The following RILPL2 variants were observed in gnomAD, a reference collection of about 807,000 sequenced individuals.
RILPL2 encodes the protein Rab interacting lysosomal protein like 2, also known as RILP-like protein 2.
A neutral mutation model predicts 22.2 loss-of-function variants in RILPL2; 19 were observed. The ratio of observed to expected loss-of-function variants is 0.86; its 90% CI spans 0.60 to 1.25. RILPL2 has a LOEUF of 1.25. Among genes scored for constraint, RILPL2 ranks in the 50% most tolerant of loss-of-function variants. The probability of loss-of-function intolerance (pLI) is 0.00; values close to 1 mark genes in which losing one functional copy is unlikely to be tolerated. For missense variants in RILPL2, 243 were observed against 263.6 expected (o/e 0.92, Z 0.54); for synonymous variants, 123 against 111.6 (o/e 1.10, Z -0.64).
At chr12:123,410,022 G>A in the RILPL2 span, among the ~76,000 whole-genome samples, 5 of 151,834 alleles carry the variant, frequency 3.3e-5, no homozygotes, top group African/African-American at 4.8e-5. Context: ...CACTGCACCC[G>A]GCCACAGTAG....
chr12:123,436,272 C>T lies in RILPL2; in HGVS notation c.149G>A (p.Arg50His). The T allele has an allele frequency of 6.2e-7, 1 of 1,608,900 alleles. No individual in the cohort carries two copies. Among genetic ancestry groups the T allele is most frequent in the Non-Finnish European group, 8.5e-7 (1 of 1,177,898 alleles). ...GTCGCTGCCCAGGGCCATAAGCTCG[C>T]GGCCCAACAGGTAGGAGATGTCATA... ...DVYDISYLLG[R>H]ELMALGSDPR... The change falls in exon 1 of 4, where the codon CGC becomes CAC. Residue 50 changes from arginine to histidine, a missense_variant. By Grantham distance (29) the Arg-to-His change is conservative. Coordinates refer to ENST00000280571, the MANE Select transcript of RILPL2 (RefSeq NM_145058.3). This position sits in a 1 kb window ranked among gnomAD's most constrained non-coding sequence, Gnocchi z 6.7.
intron 3 of RILPL2, among the ~76,000 whole-genome samples, chr12:123,422,370 G>A (rs1879310587): frequency 6.6e-6 from 1 of 152,002 alleles, no homozygotes; most frequent in South Asian, 2.1e-4. Flanking sequence ...ACAAAAATTA[G>A]CCAGGCATGG....
At chr12:123,434,699 T>C (rs1022360022) in intron 1 of RILPL2, among the ~76,000 whole-genome samples, 1 of 151,620 alleles carries the variant, frequency 6.6e-6, no homozygotes, top group Non-Finnish European at 1.5e-5. Context: ...GTGCTGGGAT[T>C]ACAGGCGTGA....
At chr12:123,429,319 A>G (rs1879537717) in intron 2 of RILPL2, among the ~76,000 whole-genome samples, 1 of 152,052 alleles carries the variant, frequency 6.6e-6, no homozygotes, top group Non-Finnish European at 1.5e-5. Flanking sequence ...TTTTTGAGAA[A>G]GAGTTTTGCT....
At chr12:123,430,960 A>G (rs1445627137) in intron 1 of RILPL2, among the ~76,000 whole-genome samples, 2 of 151,694 alleles carry the variant, frequency 1.3e-5, no homozygotes, top group South Asian at 2.1e-4. Flanking sequence ...CGGCCTCCCA[A>G]AGTGCTGGGA....
chr12:123,434,426 C>CT (rs745940516), intron 1 of RILPL2, among the ~76,000 whole-genome samples: 207 of 141,196 alleles, frequency 1.5e-3, no homozygotes, highest in Middle Eastern at 7.3e-3. Flanking sequence ...GCAAAAAAGA[C>CT]TTTTTTTTTT....
intron 3 of RILPL2, among the ~76,000 whole-genome samples, chr12:123,422,003 C>CTT (rs1879296149): frequency 9.2e-6 from 1 of 108,662 alleles, no homozygotes; most frequent in East Asian, 4.9e-4. Flanking sequence ...TTCTTTCTCT[C>CTT]TCTTTTTTTT....
At chr12:123,430,220 T>C (rs887880656) in intron 2 of RILPL2, among the ~76,000 whole-genome samples, 33 of 144,494 alleles carry the variant, frequency 2.3e-4, no homozygotes, top group Non-Finnish European at 4.3e-4. Flanking sequence ...CCATTCTGCC[T>C]AACACGGTGA....
chr12:123,432,473 G>A (rs892889774), intron 1 of RILPL2, among the ~76,000 whole-genome samples: 2 of 152,160 alleles, frequency 1.3e-5, no homozygotes, highest in East Asian at 1.9e-4. Flanking sequence ...ACCACTGCAC[G>A]CCAGCCTGGG....
downstream of RILPL2, chr12:123,412,694 C>G (rs529588039): frequency 6.6e-6 from 1 of 152,272 alleles, no homozygotes; most frequent in South Asian, 2.1e-4. Flanking sequence ...AATAGTGATA[C>G]CCATCCCACA....
intron 1 of RILPL2, among the ~76,000 whole-genome samples, chr12:123,430,974 C>T (rs1879629574): frequency 6.6e-6 from 1 of 152,096 alleles, no homozygotes; most frequent in South Asian, 2.1e-4. Flanking sequence ...GCTGGGATTA[C>T]AGGCGTGAGC....
chr12:123,411,516 C>G (rs1191492568), downstream of RILPL2: 1 of 150,320 alleles, frequency 6.7e-6, no homozygotes, highest in Non-Finnish European at 1.5e-5. Context: ...GCTACAGCAA[C>G]CACCTCCTGT....
Position 123,415,394 on chromosome 12 carries a change from T to C in RILPL2, c.*497A>G. 1 of 168,822 alleles carries C rather than the reference T, an allele frequency of 5.9e-6. No homozygotes were observed. The highest frequency in any genetic ancestry group is 1.3e-5 in the Non-Finnish European group (1 of 77,210). The allele number at this position is 168,822 out of a possible 1,614,324, so 10.5% of individuals were successfully genotyped here. On this transcript the variant is annotated 3_prime_UTR_variant, in exon 4 of 4. Coordinates refer to ENST00000280571, the MANE Select transcript of RILPL2 (RefSeq NM_145058.3). ...ACCACTCTAGATAAGCTATAGAAAG[T>C]ATAAAAATCATTTTACTTTAATACA...
chr12:123,415,423 T>C lies in RILPL2; in HGVS notation c.*468A>G. On this transcript the variant is annotated 3_prime_UTR_variant, in exon 4 of 4. Coordinates refer to ENST00000280571, the MANE Select transcript of RILPL2 (RefSeq NM_145058.3). ...AAAATCATTTTACTTTAATACAAAA[T>C]CACATAAAGAAAGGCATGTTGGCTA... 1 of 170,454 alleles carries C rather than the reference T, an allele frequency of 5.9e-6. No homozygotes were observed. Among genetic ancestry groups the C allele is most frequent in the Admixed American group, 5.7e-5 (1 of 17,672 alleles). The allele number at this position is 170,454 out of a possible 1,614,324, so 10.6% of individuals were successfully genotyped here.
Position 123,429,152 on chromosome 12 carries a change from A to AT in RILPL2, c.491+1355dup, listed in dbSNP as rs1015272055. Among the ~76,000 whole-genome samples the AT allele has an allele frequency of 7.9e-4, 119 of 150,800 alleles. 1 individual carries two copies. Among genetic ancestry groups the AT allele is most frequent in the African/African-American group, 2.5e-3 (103 of 41,002 alleles). On this transcript the variant is annotated intron_variant, in intron 2 of 3. Coordinates refer to ENST00000280571, the MANE Select transcript of RILPL2 (RefSeq NM_145058.3). ...ACTGCAGTCTTTTTTAACTTTCCTT[A>AT]TTTTTTTTTAATTTCTTTTTAGAGA...
chr12:123,429,403 C>T (rs1879541506), intron 2 of RILPL2, among the ~76,000 whole-genome samples: 1 of 152,166 alleles, frequency 6.6e-6, no homozygotes, highest in African/African-American at 2.4e-5. Flanking sequence ...TCAAGTGATT[C>T]TCCTGCCTCA....
At chr12:123,435,987 G>T (rs996341480) in intron 1 of RILPL2, 95 bp downstream of exon 1, 20 of 1,424,100 alleles carry the variant, frequency 1.4e-5, no homozygotes, top group Non-Finnish European at 1.8e-5. Context: ...AGAGAAAAGA[G>T]AAGAGAAAAG....
chr12:123,431,899 T>C (rs1333561873), intron 1 of RILPL2, among the ~76,000 whole-genome samples: 2 of 151,956 alleles, frequency 1.3e-5, no homozygotes, highest in Non-Finnish European at 2.9e-5. Context: ...TATTTTATTT[T>C]ATTTTTTTCT....
intron 2 of RILPL2, among the ~76,000 whole-genome samples, chr12:123,427,246 C>T (rs1593492432): frequency 6.6e-6 from 1 of 152,226 alleles, no homozygotes; most frequent in East Asian, 1.9e-4. Flanking sequence ...CACATGACCT[C>T]TCCATGGGAC....
Sources: allele counts gnomAD v4.1 joint callset (sites outside exome capture counted in the v4.1 genomes callset), GRCh38; gene constraint gnomAD v4.1.1; non-coding constraint Gnocchi (gnomAD v3.1); transcripts MANE v1.5; gene names NCBI Gene and HGNC (gene_info 2026-07-23, HGNC 2026-07-21).